The following PRUNE1 variants were observed in gnomAD, a reference collection of about 807,000 sequenced individuals.
PRUNE1 encodes exopolyphosphatase PRUNE1.
PRUNE1 carries 25 observed loss-of-function variants against 42.5 expected under a neutral mutation model. The observed-to-expected ratio is 0.59, with a 90% confidence interval of 0.43 to 0.82. The LOEUF (loss-of-function observed/expected upper bound fraction) is 0.82. PRUNE1 is among the 40% of genes least tolerant of loss of function. PRUNE1 has a pLI of 0.00. For synonymous variants in PRUNE1, 203 were observed against 217.1 expected, an observed-to-expected ratio of 0.93 and a Z score of 0.57; for missense variants, 443 against 539.3, an observed-to-expected ratio of 0.82 and a Z score of 1.77.
intron 6 of PRUNE1, among the ~76,000 whole-genome samples, 200 bp from the exon 7 acceptor site, chr1:151,028,586 G>A (rs1434169246): frequency 6.6e-6 from 1 of 152,062 alleles, no homozygotes; most frequent in Non-Finnish European, 1.5e-5. Flanking sequence ...CCCATGCCCG[G>A]CTAATTTTTG....
chr1:151,012,927 C>A (rs988837090), intron 1 of PRUNE1, among the ~76,000 whole-genome samples: 1 of 151,474 alleles, frequency 6.6e-6, no homozygotes, highest in African/African-American at 2.5e-5. Flanking sequence ...CACCTGCCAC[C>A]ACACCCGGCT....
At chr1:151,014,933 T>C (rs1171071582) in intron 1 of PRUNE1, among the ~76,000 whole-genome samples, 1 of 152,156 alleles carries the variant, frequency 6.6e-6, no homozygotes, top group Non-Finnish European at 1.5e-5. Context: ...GGCTCATGCC[T>C]GTAATCCAAG....
chr1:151,018,294 A>C, intron 2 of PRUNE1, 173 bp from the exon 3 acceptor site: 1 of 761,826 alleles, frequency 1.3e-6, no homozygotes, highest in South Asian at 1.4e-5. Flanking sequence ...TCATGTTATT[A>C]CTAAGAAGGA....
chr1:151,014,274 C>T lies in PRUNE1; in HGVS notation c.40-3538C>T, dbSNP rs975811997. 3.7e-4 allele frequency among the ~76,000 whole-genome samples: 57 copies of T among 152,184 alleles called. 1 individual carries two copies. The highest frequency in any genetic ancestry group is 2.1e-4 in the South Asian group (1 of 4,832). Reference sequence around the variant, plus strand: ...GATTACAGGCGTAAGCCACCGCGCCCGGCCTGCTTCCAAACTCTTGAAGTA... The same window carrying T: ...GATTACAGGCGTAAGCCACCGCGCCTGGCCTGCTTCCAAACTCTTGAAGTA... On this transcript the variant is annotated intron_variant, in intron 1 of 7. Transcript: ENST00000271620.
chr1:151,024,557 T>C, intron 3 of PRUNE1, 54 bp from the exon 4 acceptor site: 1 of 1,507,208 alleles, frequency 6.6e-7, no homozygotes, highest in East Asian at 2.3e-5. Context: ...TAGAAGCAGC[T>C]GGAGTGTCCG....
At chr1:151,008,989 A>G (rs1280766663) in intron 1 of PRUNE1, 1 of 528,812 alleles carries the variant, frequency 1.9e-6, no homozygotes, top group Non-Finnish European at 3.6e-6. Flanking sequence ...GTTCCATCAA[A>G]AAAACCAGGA....
At chr1:151,027,039 G>A (rs587645673) in intron 5 of PRUNE1, among the ~76,000 whole-genome samples, 194 bp from the exon 6 acceptor site, 1 of 152,022 alleles carries the variant, frequency 6.6e-6, no homozygotes, top group South Asian at 2.1e-4. Flanking sequence ...GCCCACCTCA[G>A]CCTCCCAAAG....
intron 1 of PRUNE1, among the ~76,000 whole-genome samples, chr1:151,012,831 G>A (rs1018246670): frequency 1.3e-5 from 2 of 152,034 alleles, no homozygotes; most frequent in Non-Finnish European, 2.9e-5. Context: ...GAGTGCAATG[G>A]TGGGATCTCG....
intron 7 of PRUNE1, among the ~76,000 whole-genome samples, chr1:151,030,531 C>T (rs979928224): frequency 1.3e-5 from 2 of 152,098 alleles, no homozygotes; most frequent in African/African-American, 4.8e-5. Context: ...CACTCTGTCG[C>T]CCAGGCTTGA....
At chr1:151,023,286 A>G (rs1674590462) in intron 3 of PRUNE1, among the ~76,000 whole-genome samples, 1 of 152,218 alleles carries the variant, frequency 6.6e-6, no homozygotes, top group Non-Finnish European at 1.5e-5. Flanking sequence ...GACTACTGGA[A>G]TAGTCCAGAC....
At chr1:151,017,671 A>C (rs1674187899) in intron 1 of PRUNE1, 141 bp from the exon 2 acceptor site, 1 of 388,614 alleles carries the variant, frequency 2.6e-6, no homozygotes, top group African/African-American at 2.1e-5. Context: ...GGCTGCAGGG[A>C]GTTGTGATCA....
intron 5 of PRUNE1, among the ~76,000 whole-genome samples, chr1:151,025,881 C>T (rs1365132731): frequency 6.6e-6 from 1 of 151,698 alleles, no homozygotes; most frequent in African/African-American, 2.4e-5. Context: ...GCTGGGATTA[C>T]AGGCGCCCAC....
chr1:151,030,501 T>G (rs1021384267), intron 7 of PRUNE1, among the ~76,000 whole-genome samples: 3 of 152,108 alleles, frequency 2.0e-5, no homozygotes, highest in African/African-American at 7.2e-5. Flanking sequence ...TCTGTTTGTT[T>G]GTTTTTTAAG....
In PRUNE1 at chr1:151,028,800, G is replaced by T; in HGVS notation, c.789G>T (p.Arg263Ser). 1 of 1,613,966 alleles carries T rather than the reference G, an allele frequency of 6.2e-7. No homozygotes were observed. The highest frequency in any genetic ancestry group is 1.3e-5 in the African/African-American group (1 of 75,008). ...TTCCCTTTCAGGCCTTTCTGCAGAG[G>T]TCTAACCTCCTTGCAGATCTCCATG... is the stretch of plus-strand genomic sequence containing the variant. ...IYMDLEAFLQRSNLLADLHAF... is the reference protein window; with the variant it reads ...IYMDLEAFLQSSNLLADLHAF... The change falls in exon 7 of 8, where the codon AGG becomes AGT. Residue 263 changes from arginine to serine, a missense_variant. Transcript: ENST00000271620.
chr1:151,025,664 G>C lies in PRUNE1; in HGVS notation c.670G>C (p.Asp224His). 1.2e-6 allele frequency: 2 copies of C among 1,613,190 alleles called. No homozygotes were observed. Among genetic ancestry groups the C allele is most frequent in the South Asian group, 2.2e-5 (2 of 90,966 alleles). Residue 224 changes from aspartate to histidine, a missense_variant, in exon 5 of 8, where the codon GAT becomes CAT. Physicochemically the swap from Asp to His is moderately conservative, Grantham distance 81. Transcript: ENST00000271620. Reference sequence around the variant, plus strand: ...TGATTCCCTACAAAAGGCAAAGTTTGATGTATCAGGTATGAAATGTTAGCT... The same window carrying C: ...TGATTCCCTACAAAAGGCAAAGTTTCATGTATCAGGTATGAAATGTTAGCT... ...IFDSLQKAKF[D>H]VSGLTTEQML... is the part of the protein sequence containing the mutation.
At position 151,008,550 on chromosome 1, in the gene PRUNE1, G is replaced by A; in HGVS notation, c.-83G>A. 8.5e-6 allele frequency: 13 copies of A among 1,532,502 alleles called. No individual in the cohort carries two copies. Among genetic ancestry groups the A allele is most frequent in the Non-Finnish European group, 1.2e-5 (13 of 1,105,856 alleles). The allele number at this position is 1,532,502 out of a possible 1,614,324, so 94.9% of individuals were successfully genotyped here. ...GGCCTCTAGTCCCTGAGTCCCGGGC[G>A]GGCTGCATTCGTCGGGGAAACCTCT... On this transcript the variant is annotated 5_prime_UTR_variant, in exon 1 of 8. Coordinates refer to ENST00000271620, the MANE Select transcript of PRUNE1 (RefSeq NM_021222.3).
intron 7 of PRUNE1, among the ~76,000 whole-genome samples, chr1:151,032,945 T>C (rs1001946834): frequency 6.7e-6 from 1 of 150,272 alleles, no homozygotes; most frequent in African/African-American, 2.5e-5. Flanking sequence ...GGCTAATTTT[T>C]GTATTTTTCG....
At chr1:151,032,747 TC>T (rs1208938829) in intron 7 of PRUNE1, among the ~76,000 whole-genome samples, 6 of 151,870 alleles carry the variant, frequency 4.0e-5, no homozygotes, top group Non-Finnish European at 8.8e-5. Context: ...ATATTAGTGT[TC>T]CTTCTGTTGC....
chr1:151,027,201 G>T (rs1482012332), intron 5 of PRUNE1, 32 bp from the exon 6 acceptor site: 2 of 1,534,736 alleles, frequency 1.3e-6, no homozygotes, highest in East Asian at 2.3e-5. Context: ...GGCCTACCCT[G>T]TTTGACCCCT....
Sources: allele counts gnomAD v4.1 joint callset (sites outside exome capture counted in the v4.1 genomes callset), GRCh38; gene constraint gnomAD v4.1.1; transcripts MANE v1.5; gene names NCBI Gene and HGNC (gene_info 2026-07-23, HGNC 2026-07-21).